ALPK2: variants seen among roughly 807,000 people sequenced by gnomAD.
The protein encoded by ALPK2 is alpha kinase 2.
ALPK2 carries 127 observed loss-of-function variants against 163.1 expected under a neutral mutation model. The ratio of observed to expected loss-of-function variants is 0.78; its 90% CI spans 0.67 to 0.90. ALPK2 has a LOEUF of 0.90. Among genes scored for constraint, ALPK2 ranks in the 40% least tolerant of loss-of-function variants. The pLI, the probability that ALPK2 is intolerant of heterozygous loss-of-function variation, is 0.00. For missense variants in ALPK2, 2,360 were observed against 2,589.6 expected (o/e 0.91, Z 1.92); for synonymous variants, 953 against 959.1 (o/e 0.99, Z 0.12).
chr18:58,503,184 A>T (rs899958420), intron 11 of ALPK2, among the ~76,000 whole-genome samples: 5 of 152,388 alleles, frequency 3.3e-5, no homozygotes, highest in Admixed American at 6.5e-5. Flanking sequence ...TATACATTGA[A>T]AACATGCTAT....
At chr18:58,560,678 A>T (rs1217352401) in intron 4 of ALPK2, among the ~76,000 whole-genome samples, 1 of 152,236 alleles carries the variant, frequency 6.6e-6, no homozygotes, top group East Asian at 1.9e-4. Flanking sequence ...GGTTCTGAGA[A>T]TCAGGATGTG....
rs1337958516 is a variant in ALPK2, at chr18:58,504,092, A to G, written c.6086T>C (p.Val2029Ala). The change falls in exon 11 of 13, where the codon GTG (valine) becomes GCG (alanine). Residue 2029 changes from valine (V) to alanine (A), a missense_variant. Physicochemically the swap from Val to Ala is moderately conservative, Grantham distance 64. Coordinates refer to ENST00000361673, the MANE Select transcript of ALPK2 (RefSeq NM_052947.4). ...AAATTCTCCAATCAGCTCCTCCTCC[A>G]CTGTAGCATACGGGATATTGTTCTC... ...RPENNIPYAT[V>A]EEELIGEFVK... 1.2e-6 allele frequency: 2 copies of G among 1,613,978 alleles called. No homozygotes were observed. Among genetic ancestry groups the G allele is most frequent in the Admixed American group, 3.3e-5 (2 of 59,990 alleles).
Position 58,531,935 on chromosome 18 carries a change from C to CAAAAAAAAA in ALPK2, c.5354-2706_5354-2698dup, listed in dbSNP as rs35957271. Among the ~76,000 whole-genome samples, 9 of 49,616 alleles carry CAAAAAAAAA rather than the reference C, an allele frequency of 1.8e-4. 1 individual carries two copies. The highest frequency in any genetic ancestry group is 7.0e-4 in the East Asian group (1 of 1,432). The allele number at this position is 49,616 out of a possible 152,430, so 32.6% of individuals were successfully genotyped here. Reference sequence around the variant, plus strand: ...CTAGTGACAGAGCAAGGCTCCGTCTCAAAAAAAAAAAAAAAAAAAAAAAAA... The same window carrying CAAAAAAAAA: ...CTAGTGACAGAGCAAGGCTCCGTCTCAAAAAAAAAAAAAAAAAAAAAAAAAAAAAAAAAA... On this transcript the variant is annotated intron_variant, in intron 5 of 12. Coordinates refer to ENST00000361673, the MANE Select transcript of ALPK2 (RefSeq NM_052947.4).
chr18:58,568,180 G>A (rs2051866435), intron 4 of ALPK2, among the ~76,000 whole-genome samples: 1 of 152,162 alleles, frequency 6.6e-6, no homozygotes, highest in Non-Finnish European at 1.5e-5. Context: ...CACTTTAAGG[G>A]TGTGATTTTT....
At chr18:58,596,819 T>G (rs1035531180) in intron 3 of ALPK2, among the ~76,000 whole-genome samples, 1 of 108,944 alleles carries the variant, frequency 9.2e-6, no homozygotes, top group African/African-American at 3.6e-5. Flanking sequence ...CACAAATCTT[T>G]TGTTTGTTTG....
intron 4 of ALPK2, among the ~76,000 whole-genome samples, chr18:58,568,426 A>AC (rs978431901): frequency 6.6e-6 from 1 of 151,708 alleles, no homozygotes; most frequent in Non-Finnish European, 1.5e-5. Context: ...GGAACTTGGA[A>AC]CCCCCCAGGA....
At chr18:58,583,395 G>T (rs981046410) in intron 3 of ALPK2, among the ~76,000 whole-genome samples, 1 of 152,082 alleles carries the variant, frequency 6.6e-6, no homozygotes, top group African/African-American at 2.4e-5. Context: ...GATCCCCTTG[G>T]CCAAGGGGTG....
At chr18:58,497,681 AT>A (rs1198382442) in intron 12 of ALPK2, among the ~76,000 whole-genome samples, 3 of 152,238 alleles carry the variant, frequency 2.0e-5, no homozygotes, top group Non-Finnish European at 4.4e-5. Flanking sequence ...TGCAAAAAAA[AT>A]TTTTTTTCAA....
chr18:58,597,010 C>T (rs892849067), intron 3 of ALPK2, among the ~76,000 whole-genome samples: 3 of 152,058 alleles, frequency 2.0e-5, no homozygotes, highest in African/African-American at 2.4e-5. Context: ...AAAATTGGCC[C>T]GGTGCAGTGG....
chr18:58,517,130 A>G lies in ALPK2; in HGVS notation c.5718T>C (p.His1906=). The change falls in exon 9 of 13, where the codon CAT becomes CAC. Residue 1906 remains histidine, a synonymous_variant. Transcript: ENST00000361673. The part of the protein sequence containing the change: ...SQLIFKEDFL[H]DSYFGGRLRG... ...GCAGGCGGCCCCCAAAGTAGCTGTC[A>G]TGGAGGAAGTCTTCTTTGAAGATGA... 2.5e-6 allele frequency: 4 copies of G among 1,614,212 alleles called. No homozygotes were observed. The highest frequency in any genetic ancestry group is 2.5e-6 in the Non-Finnish European group (3 of 1,180,022).
intron 4 of ALPK2, among the ~76,000 whole-genome samples, chr18:58,575,982 C>T (rs756511865): frequency 2.6e-5 from 4 of 152,140 alleles, no homozygotes; most frequent in South Asian, 2.1e-4. Flanking sequence ...ATGCTAAAAA[C>T]GGTATGCAGA....
At chr18:58,594,036 T>C (rs2052029398) in intron 3 of ALPK2, among the ~76,000 whole-genome samples, 1 of 151,592 alleles carries the variant, frequency 6.6e-6, no homozygotes, top group South Asian at 2.1e-4. Context: ...GGCTATTCCT[T>C]TGGGCAGCCA....
chr18:58,573,593 C>T (rs2051902115), intron 4 of ALPK2, among the ~76,000 whole-genome samples: 3 of 114,930 alleles, frequency 2.6e-5, no homozygotes, highest in South Asian at 3.2e-4. Flanking sequence ...TATCTAGAGG[C>T]ATGTTGCCAT....
intron 12 of ALPK2, among the ~76,000 whole-genome samples, chr18:58,489,741 C>T (rs1299198203): frequency 2.0e-5 from 3 of 152,000 alleles, no homozygotes; most frequent in Non-Finnish European, 4.4e-5. Flanking sequence ...ATTCAAAATA[C>T]ACATCAGCTC....
Position 58,536,963 on chromosome 18 carries a change from C to T in ALPK2, c.3224G>A (p.Arg1075Lys). 1.9e-6 allele frequency: 3 copies of T among 1,614,194 alleles called. No homozygotes were observed. The South Asian group carries it at 3.3e-5, about 18-fold the overall frequency. The part of the protein sequence containing the change: ...TIKSTKELLC[R>K]APSVPGVPHH... The stretch of plus-strand genomic sequence containing the variant: ...TGGGACTCCTGGCACACTGGGTGCC[C>T]TGCAAAGTAGCTCTTTTGTAGATTT... Residue 1075 changes from arginine to lysine, a missense_variant, in exon 5 of 13, where the codon AGG becomes AAG. Physicochemically the swap from Arg to Lys is conservative, Grantham distance 26. Transcript: ENST00000361673.
At chr18:58,569,640 G>T (rs978682040) in intron 4 of ALPK2, among the ~76,000 whole-genome samples, 11 of 152,194 alleles carry the variant, frequency 7.2e-5, no homozygotes, top group African/African-American at 2.7e-4. Context: ...ATTTAACCCT[G>T]ACTGAGGATA....
intron 10 of ALPK2, among the ~76,000 whole-genome samples, chr18:58,506,719 T>A (rs1403749596): frequency 6.6e-6 from 1 of 152,210 alleles, no homozygotes; most frequent in Non-Finnish European, 1.5e-5. Context: ...AATGAATGAA[T>A]GAATGAATAT....
chr18:58,505,165 G>A (rs2051455365), intron 10 of ALPK2, among the ~76,000 whole-genome samples: 1 of 152,154 alleles, frequency 6.6e-6, no homozygotes. Context: ...AATAGGCCAG[G>A]GGCAGGGCAG....
intron 5 of ALPK2, among the ~76,000 whole-genome samples, chr18:58,532,233 G>A (rs934127631): frequency 3.9e-5 from 6 of 152,190 alleles, no homozygotes; most frequent in Non-Finnish European, 8.8e-5. Flanking sequence ...ACCTAGTGCT[G>A]GTTTGTAGTT....
Sources: gnomAD v4.1 joint callset for allele counts (sites outside exome capture counted in the v4.1 genomes callset) on GRCh38, gnomAD v4.1.1 for gene constraint, MANE v1.5 for transcripts, NCBI Gene and HGNC (gene_info 2026-07-23, HGNC 2026-07-21) for gene names.